CARS2: variants seen among roughly 807,000 people sequenced by gnomAD.
The protein encoded by CARS2 is cysteinyl-tRNA synthetase 2, mitochondrial, also known as probable cysteine--tRNA ligase, mitochondrial.
In CARS2, 52 loss-of-function variants were observed where a neutral mutation model predicts 68.8. The observed-to-expected ratio is 0.76, with a 90% CI of 0.61 to 0.95. The LOEUF (loss-of-function observed/expected upper bound fraction) is 0.95, where lower values mean the gene tolerates loss of function less well. Among genes scored for constraint, CARS2 ranks in the 40% least tolerant of loss-of-function variants. The probability of loss-of-function intolerance (pLI) is 0.00; values close to 1 mark genes in which losing one functional copy is unlikely to be tolerated. For synonymous variants in CARS2, 314 were observed against 303.6 expected, an observed-to-expected ratio of 1.03 and a Z score of -0.36; for missense variants, 780 against 754.2, an observed-to-expected ratio of 1.03 and a Z score of -0.40.
In CARS2 at chr13:110,647,207, C is replaced by T; in HGVS notation, c.1087G>A (p.Ala363Thr). 19 of 1,613,348 alleles carry T rather than the reference C, an allele frequency of 1.2e-5. No individual in the cohort carries two copies. The highest frequency in any genetic ancestry group is 1.5e-5 in the Non-Finnish European group (18 of 1,179,884). The change falls in exon 11 of 15, where the codon GCT becomes ACT. Residue 363 changes from alanine (A) to threonine (T), a missense_variant. Physicochemically the swap from Ala to Thr is moderately conservative, Grantham distance 58 (BLOSUM62 0). Coordinates refer to ENST00000257347, the MANE Select transcript of CARS2 (RefSeq NM_024537.4). Reference sequence around the variant, plus strand: ...CCCAGCCCCAGGAGCAGCTGCTGAGCTTGGAGCATGGCGCTGTCACTGTAG... The same window carrying T: ...CCCAGCCCCAGGAGCAGCTGCTGAGTTTGGAGCATGGCGCTGTCACTGTAG... ...IDYSDSAMLQ[A>T]QQLLLGLGSF...
At chr13:110,693,521 G>A (rs895028145) in intron 3 of CARS2, among the ~76,000 whole-genome samples, 2 of 152,010 alleles carry the variant, frequency 1.3e-5, no homozygotes, top group African/African-American at 2.4e-5. Flanking sequence ...CACCACGCCC[G>A]GCTAATTTTT....
chr13:110,680,168 G>T lies in CARS2; in HGVS notation c.655+2883C>A, dbSNP rs1017194054. Among the ~76,000 whole-genome samples, 476 of 134,870 alleles carry T rather than the reference G, an allele frequency of 3.5e-3. 3 individuals carry two copies. The highest frequency in any genetic ancestry group is 5.5e-3 in the Non-Finnish European group (357 of 64,406). 88.5% of individuals were successfully genotyped at this position (134,870 alleles called of 152,430 possible). The stretch of plus-strand genomic sequence containing the variant: ...GCCGAGGGGGGGGGGGGGGGGGGTG[G>T]ATCACCTGAGGTCAGGAGTTCAAGA... On this transcript the variant is annotated intron_variant, in intron 6 of 14. Transcript: ENST00000257347.
chr13:110,705,222 C>T lies in CARS2; in HGVS notation c.275+299G>A, dbSNP rs375224575. ...CCCAGGAATGACTGATCAGCAGGAC[C>T]CCGGGACCCCGCAAAGGCCTCTTGA... On this transcript the variant is annotated intron_variant, in intron 2 of 14. Transcript: ENST00000257347. The surrounding 1 kb of genome is among the most constrained non-coding windows in gnomAD (Gnocchi z 4.0). Among the ~76,000 whole-genome samples the T allele has an allele frequency of 6.6e-6, 1 of 152,116 alleles. No homozygotes were observed. Among genetic ancestry groups the T allele is most frequent in the East Asian group, 1.9e-4 (1 of 5,198 alleles).
intron 9 of CARS2, among the ~76,000 whole-genome samples, chr13:110,651,842 A>T (rs570641624): frequency 1.3e-5 from 2 of 152,242 alleles, no homozygotes; most frequent in African/African-American, 4.8e-5. Context: ...TGGGGCGCTC[A>T]GGGTTCAGCT....
intron 14 of CARS2, 92 bp downstream of exon 14, chr13:110,642,223 T>C: frequency 3.0e-6 from 3 of 992,650 alleles, no homozygotes; most frequent in Non-Finnish European, 4.6e-6. Flanking sequence ...AAAAGCATGG[T>C]CACGGGGGAT....
intron 5 of CARS2, among the ~76,000 whole-genome samples, chr13:110,685,561 G>A (rs1220774616): frequency 6.6e-6 from 1 of 152,232 alleles, no homozygotes; most frequent in East Asian, 1.9e-4. Flanking sequence ...GCGTCATTCA[G>A]TAAAGCAAAA....
chr13:110,666,413 T>C (rs1051101449), intron 8 of CARS2: 18 of 985,288 alleles, frequency 1.8e-5, no homozygotes, highest in Non-Finnish European at 7.2e-6. Context: ...GCTTCATTTT[T>C]AGACAAAAAC....
intron 12 of CARS2, chr13:110,645,198 C>T (rs1375789512): frequency 6.6e-6 from 1 of 152,456 alleles, no homozygotes; most frequent in Non-Finnish European, 1.5e-5. Context: ...AGAGGCGAGC[C>T]CTGCGCGTCT....
At chr13:110,704,194 T>A (rs2063872244) in intron 2 of CARS2, among the ~76,000 whole-genome samples, 1 of 151,878 alleles carries the variant, frequency 6.6e-6, no homozygotes, top group African/African-American at 2.4e-5. Context: ...CATAGAAGGA[T>A]GAGATTTCTT....
chr13:110,697,607 T>A (rs1386753132), intron 3 of CARS2, among the ~76,000 whole-genome samples: 1 of 152,236 alleles, frequency 6.6e-6, no homozygotes, highest in Non-Finnish European at 1.5e-5. Context: ...CACACCCAGC[T>A]AATTTTTTGT....
chr13:110,671,914 C>T (rs1438710188), intron 7 of CARS2, among the ~76,000 whole-genome samples: 5 of 152,172 alleles, frequency 3.3e-5, no homozygotes, highest in East Asian at 3.9e-4. Flanking sequence ...GGGTTGCAAA[C>T]CTAGTGTCTG....
upstream of CARS2, among the ~76,000 whole-genome samples, chr13:110,709,683 G>C (rs895212815): frequency 6.6e-6 from 1 of 151,786 alleles, no homozygotes; most frequent in Non-Finnish European, 1.5e-5. Flanking sequence ...GTCTATTGTG[G>C]GACCTTGTGA....
intron 11 of CARS2, chr13:110,646,841 G>T: frequency 2.3e-6 from 1 of 431,034 alleles, no homozygotes; most frequent in Non-Finnish European, 4.2e-6. Context: ...CCAGTGTCCT[G>T]TGGCCTCTGG....
chr13:110,642,894 G>A (rs745768537), intron 13 of CARS2: 62 of 465,230 alleles, frequency 1.3e-4, no homozygotes, highest in Non-Finnish European at 2.0e-4. Flanking sequence ...GGGGGGCAGC[G>A]ACTGAGCGCT....
At position 110,706,016 on chromosome 13, in the gene CARS2, C is replaced by CCA. The variant is rs1238018562; in HGVS notation, c.76_77dup (p.Trp26CysfsTer41). On this transcript the variant is annotated frameshift_variant, in exon 1 of 15. Transcript: ENST00000257347. LOFTEE classifies it high-confidence loss of function. Reference sequence around the variant, plus strand: ...TCGCCGCCCGGCCCGCAGGCCAGTGCCACCCAGCCCGCCCAAGGCCCAGCG... The same window carrying CCA: ...TCGCCGCCCGGCCCGCAGGCCAGTGCCACACCCAGCCCGCCCAAGGCCCAGCG... 7.7e-6 allele frequency: 11 copies of CCA among 1,435,432 alleles called. No individual in the cohort carries two copies. The highest frequency in any genetic ancestry group is 1.5e-5 in the African/African-American group (1 of 66,862). 88.9% of individuals were successfully genotyped at this position (1,435,432 alleles called of 1,614,324 possible).
At chr13:110,642,286 G>A (rs1181134124) in intron 14 of CARS2, 29 bp downstream of exon 14, 2 of 1,527,400 alleles carry the variant, frequency 1.3e-6, no homozygotes, top group Admixed American at 2.0e-5. Flanking sequence ...CTCCTGGGGT[G>A]ATGTCCCTGA....
intron 9 of CARS2, among the ~76,000 whole-genome samples, chr13:110,657,144 T>TATAAG (rs79820563): frequency 0.44 from 66,070 of 151,824 alleles, 15,454 homozygotes; most frequent in African/African-American, 0.61. Context: ...GATATGCTCT[T>TATAAG]ATGTTTAGTA....
At chr13:110,647,041 C>G in intron 11 of CARS2, 60 bp downstream of exon 11, 1 of 1,492,398 alleles carries the variant, frequency 6.7e-7, no homozygotes, top group Non-Finnish European at 8.9e-7. Flanking sequence ...AAGAGCCCAC[C>G]AGCAGCACCC....
intron 1 of CARS2, chr13:110,712,350 CA>C (rs1322551597): frequency 1.2e-5 from 2 of 164,128 alleles, no homozygotes; most frequent in African/African-American, 4.8e-5. Context: ...GGAAGAAAAT[CA>C]GAGAAAAGCA....
Sources: gnomAD v4.1 joint callset for allele counts (sites outside exome capture counted in the v4.1 genomes callset) on GRCh38, gnomAD v4.1.1 for gene constraint, Gnocchi (gnomAD v3.1) non-coding constraint, MANE v1.5 for transcripts, NCBI Gene and HGNC (gene_info 2026-07-23, HGNC 2026-07-21) for gene names.